The following TRPC1 variants were observed in gnomAD, a reference collection of about 807,000 sequenced individuals.
TRPC1 encodes the protein short transient receptor potential channel 1.
A neutral mutation model predicts 88.2 loss-of-function variants in TRPC1; 42 were observed. That is an observed-to-expected ratio of 0.48 (90% CI 0.37 to 0.62). The LOEUF (loss-of-function observed/expected upper bound fraction) is 0.62, where lower values mean the gene tolerates loss of function less well. TRPC1 is among the 20% of genes least tolerant of loss of function. The pLI is 0.00. For synonymous variants in TRPC1, 288 were observed against 331.8 expected (o/e 0.87, Z 1.43); for missense variants, 699 against 957.3 (o/e 0.73, Z 3.56).
chr3:142,733,070 A>G (rs1351245585), intron 1 of TRPC1, among the ~76,000 whole-genome samples: 4 of 151,958 alleles, frequency 2.6e-5, no homozygotes, highest in East Asian at 1.9e-4. Context: ...TTCTGTGACT[A>G]TAATGTGATT....
rs570451350 is a variant in TRPC1 at position 142,751,555 on chromosome 3, G to T, written c.632+3095G>T. On this transcript the variant is annotated intron_variant, in intron 4 of 12. Transcript: ENST00000476941. ...AACACATTTCTCAGAATATATTCCTGTTACACAATGCATGACTGTGTGTGT... is the reference window on the plus strand; with the variant it reads ...AACACATTTCTCAGAATATATTCCTTTTACACAATGCATGACTGTGTGTGT... Among the ~76,000 whole-genome samples the T allele has an allele frequency of 2.0e-5, 3 of 152,246 alleles. No individual in the cohort carries two copies. In the East Asian group the frequency reaches 5.8e-4, roughly 29 times the overall value.
intron 2 of TRPC1, among the ~76,000 whole-genome samples, chr3:142,740,860 C>A (rs1479408573): frequency 1.3e-5 from 2 of 152,028 alleles, no homozygotes; most frequent in Admixed American, 6.6e-5. Context: ...AGCAAGTTAG[C>A]AAAGAGTGAT....
At chr3:142,794,119 AG>A (rs1456760503) in intron 9 of TRPC1, among the ~76,000 whole-genome samples, 9 of 152,290 alleles carry the variant, frequency 5.9e-5, no homozygotes, top group Admixed American at 4.6e-4. Flanking sequence ...AATATGTGCA[AG>A]TCTCTGTATT....
intron 1 of TRPC1, among the ~76,000 whole-genome samples, chr3:142,730,251 A>T (rs1933847466): frequency 6.6e-6 from 1 of 152,136 alleles, no homozygotes; most frequent in Non-Finnish European, 1.5e-5. Flanking sequence ...TATGCTGTTT[A>T]TAATTTTTAT....
At chr3:142,788,475 G>C (rs963002012) in intron 7 of TRPC1, among the ~76,000 whole-genome samples, 1 of 151,954 alleles carries the variant, frequency 6.6e-6, no homozygotes, top group Non-Finnish European at 1.5e-5. Context: ...TGTGTTGAGG[G>C]GTAGATCCTG....
intron 1 of TRPC1, among the ~76,000 whole-genome samples, chr3:142,725,421 T>A (rs934511122): frequency 6.6e-6 from 1 of 152,224 alleles, no homozygotes; most frequent in African/African-American, 2.4e-5. Flanking sequence ...TCCCAGATCT[T>A]TCTTTGGGAG....
chr3:142,778,700 C>T (rs1025187701), intron 5 of TRPC1, among the ~76,000 whole-genome samples: 1 of 152,156 alleles, frequency 6.6e-6, no homozygotes, highest in Non-Finnish European at 1.5e-5. Context: ...GTGTGACACT[C>T]TTTCAGTGAC....
At chr3:142,775,863 G>C (rs1032119960) in intron 4 of TRPC1, among the ~76,000 whole-genome samples, 1 of 152,162 alleles carries the variant, frequency 6.6e-6, no homozygotes, top group African/African-American at 2.4e-5. Flanking sequence ...GATTGAAATA[G>C]TAATACCCAG....
At position 142,724,728 on chromosome 3, in the gene TRPC1, A is replaced by G; in HGVS notation, c.169A>G (p.Lys57Glu). ...GAAGCTTTTCTTGCTGGCGTGCGACAAGGGTGAGAGTTAGGCCCCTTTCTC... is the reference window on the plus strand; with the variant it reads ...GAAGCTTTTCTTGCTGGCGTGCGACGAGGGTGAGAGTTAGGCCCCTTTCTC... ...NEKLFLLACD[K>E]GDYYMVKKIL... Residue 57 changes from lysine to glutamate, a missense_variant, in exon 1 of 13, where the codon AAG becomes GAG. By Grantham distance (56) the Lys-to-Glu change is moderately conservative (BLOSUM62 1). Coordinates refer to ENST00000476941, the MANE Select transcript of TRPC1 (RefSeq NM_001251845.2). The surrounding 1 kb of genome is among the most constrained non-coding windows in gnomAD (Gnocchi z 5.6). 6.3e-7 allele frequency: 1 copy of G among 1,581,548 alleles called. No individual in the cohort carries two copies. Among genetic ancestry groups the G allele is most frequent in the Non-Finnish European group, 8.6e-7 (1 of 1,160,374 alleles).
At chr3:142,798,091 T>C (rs1415975567) in intron 9 of TRPC1, among the ~76,000 whole-genome samples, 1 of 152,060 alleles carries the variant, frequency 6.6e-6, no homozygotes, top group East Asian at 1.9e-4. Context: ...ATGTTCAACC[T>C]AGATTCTCAA....
Position 142,743,584 on chromosome 3 carries a change from G to A in TRPC1, c.427G>A (p.Val143Ile). The change falls in exon 3 of 13, where the codon GTA (valine) becomes ATA (isoleucine). Residue 143 changes from valine to isoleucine, a missense_variant and splice_region_variant. Val to Ile is a conservative substitution (Grantham distance 29). This residue lies in a region of TRPC1 where 426 missense variants were observed against 641.3 expected (regional missense o/e 0.66). Transcript: ENST00000476941. ...RPKRSSRPTI[V>I]KLMERIQNPE... is the part of the protein sequence containing the mutation. ...AAAACGATCATCAAGACCAACTATA[G>A]TAGTTAGTACTCTTAAATATTTATT... The A allele has an allele frequency of 6.6e-7, 1 of 1,505,624 alleles. No homozygotes were observed. 93.3% of individuals were successfully genotyped at this position (1,505,624 alleles called of 1,614,324 possible).
At chr3:142,790,952 A>G in intron 7 of TRPC1, 67 bp from the exon 8 acceptor site, 1 of 1,259,432 alleles carries the variant, frequency 7.9e-7, no homozygotes, top group Non-Finnish European at 1.0e-6. Flanking sequence ...TTTGAGTCTT[A>G]AAGTATTATT....
At chr3:142,771,416 T>TC (rs1234437080) in intron 4 of TRPC1, among the ~76,000 whole-genome samples, 2 of 151,714 alleles carry the variant, frequency 1.3e-5, no homozygotes, top group South Asian at 2.1e-4. Flanking sequence ...ACTCAAGCAG[T>TC]CCCCCCGCCA....
At chr3:142,768,721 T>C (rs542358817) in intron 4 of TRPC1, among the ~76,000 whole-genome samples, 10 of 151,946 alleles carry the variant, frequency 6.6e-5, no homozygotes, top group Non-Finnish European at 1.5e-4. Context: ...CTATTTCCTC[T>C]GTGTTTTTTA....
chr3:142,789,786 T>C (rs1936242650), intron 7 of TRPC1, among the ~76,000 whole-genome samples: 1 of 152,172 alleles, frequency 6.6e-6, no homozygotes, highest in Non-Finnish European at 1.5e-5. Flanking sequence ...AGTTTTTCTG[T>C]TTGTTTGCTT....
intron 4 of TRPC1, among the ~76,000 whole-genome samples, chr3:142,753,392 C>A (rs906051894): frequency 6.6e-6 from 1 of 152,104 alleles, no homozygotes; most frequent in Admixed American, 6.6e-5. Flanking sequence ...AACATTTGTA[C>A]GAAATGGCAA....
At chr3:142,797,600 C>T (rs926567440) in intron 9 of TRPC1, among the ~76,000 whole-genome samples, 2 of 152,078 alleles carry the variant, frequency 1.3e-5, no homozygotes, top group Non-Finnish European at 2.9e-5. Flanking sequence ...GAATGAACAT[C>T]CCCTTGGGTT....
chr3:142,738,056 G>C (rs1414067621), intron 2 of TRPC1, among the ~76,000 whole-genome samples: 1 of 152,102 alleles, frequency 6.6e-6, no homozygotes, highest in Non-Finnish European at 1.5e-5. Context: ...ACATGTAATG[G>C]TTTTGCAGTA....
intron 4 of TRPC1, among the ~76,000 whole-genome samples, chr3:142,766,590 A>G (rs1935399401): frequency 6.6e-6 from 1 of 151,886 alleles, no homozygotes; most frequent in Admixed American, 6.6e-5. Context: ...TAGTATGGCC[A>G]GGCTGGTCTC....
Sources: gnomAD v4.1 joint callset for allele counts (sites outside exome capture counted in the v4.1 genomes callset) on GRCh38, gnomAD v4.1.1 for gene constraint, gnomAD v4.1.1 regional missense constraint, Gnocchi (gnomAD v3.1) non-coding constraint, MANE v1.5 for transcripts, NCBI Gene and HGNC (gene_info 2026-07-23, HGNC 2026-07-21) for gene names.